The following KDM4C variants were observed in gnomAD, a reference collection of about 807,000 sequenced individuals.
The protein encoded by KDM4C is lysine demethylase 4C, also known as lysine-specific demethylase 4C.
In KDM4C, 81 loss-of-function variants were observed where a neutral mutation model predicts 129.3. The ratio of observed to expected loss-of-function variants is 0.63; its 90% CI spans 0.52 to 0.75. The LOEUF is 0.75. Ranked by LOEUF, KDM4C falls within the 30% of genes least tolerant of loss-of-function variation. The probability of loss-of-function intolerance (pLI) is 0.00; values close to 1 mark genes in which losing one functional copy is unlikely to be tolerated. For synonymous variants in KDM4C, 573 were observed against 456.1 expected (o/e 1.26, Z -3.26); for missense variants, 1,457 against 1,304.0 (o/e 1.12, Z -1.81).
chr9:6,961,546 T>C (rs527779089), intron 8 of KDM4C, among the ~76,000 whole-genome samples: 1 of 152,366 alleles, frequency 6.6e-6, no homozygotes, highest in East Asian at 1.9e-4. Context: ...CAGAATATAG[T>C]ATTTATACAT....
At chr9:6,816,546 C>T (rs770759208) in intron 4 of KDM4C, among the ~76,000 whole-genome samples, 1 of 152,154 alleles carries the variant, frequency 6.6e-6, no homozygotes, top group African/African-American at 2.4e-5. Context: ...TTATGTCTGG[C>T]TTCTTATACT....
chr9:6,777,267 C>T (rs907007568), intron 1 of KDM4C, among the ~76,000 whole-genome samples: 1 of 152,204 alleles, frequency 6.6e-6, no homozygotes, highest in African/African-American at 2.4e-5. Context: ...CCAAAGCTCT[C>T]TACTCCTTTC....
At chr9:7,153,690 AG>A (rs1200578319) in intron 19 of KDM4C, among the ~76,000 whole-genome samples, 7 of 152,236 alleles carry the variant, frequency 4.6e-5, no homozygotes, top group Non-Finnish European at 5.9e-5. Context: ...GTTACTTATC[AG>A]GGTTGTTAAT....
At chr9:6,840,878 TC>T (rs1836797054) in intron 4 of KDM4C, among the ~76,000 whole-genome samples, 1 of 152,216 alleles carries the variant, frequency 6.6e-6, no homozygotes, top group African/African-American at 2.4e-5. Flanking sequence ...AGAAGACATG[TC>T]CCCAGCTCTA....
chr9:7,088,995 T>G (rs1468946535), intron 17 of KDM4C, among the ~76,000 whole-genome samples: 2 of 152,178 alleles, frequency 1.3e-5, no homozygotes, highest in Non-Finnish European at 2.9e-5. Flanking sequence ...AATCATTACT[T>G]TTTAAAAATT....
chr9:6,779,089 C>T (rs571348643), intron 1 of KDM4C, among the ~76,000 whole-genome samples: 408 of 135,630 alleles, frequency 3.0e-3, no homozygotes, highest in Middle Eastern at 0.012. Flanking sequence ...AGTGCAGTGG[C>T]GTGATCTTGG....
chr9:6,850,739 T>C (rs888031933), intron 5 of KDM4C, among the ~76,000 whole-genome samples: 10 of 148,924 alleles, frequency 6.7e-5, no homozygotes, highest in African/African-American at 2.5e-4. Flanking sequence ...GCCAATGTAT[T>C]TTTTATTTTT....
upstream of KDM4C, among the ~76,000 whole-genome samples, chr9:6,754,604 G>C (rs1321587294): frequency 6.6e-6 from 1 of 152,164 alleles, no homozygotes; most frequent in East Asian, 1.9e-4. Flanking sequence ...AGCCAGGGCA[G>C]TGGCTCACTC....
chr9:7,085,879 G>C (rs1835056247), intron 17 of KDM4C, among the ~76,000 whole-genome samples: 1 of 151,986 alleles, frequency 6.6e-6, no homozygotes, highest in African/African-American at 2.4e-5. Context: ...TATTGGGCCA[G>C]GTGCGGTGGC....
intron 17 of KDM4C, among the ~76,000 whole-genome samples, chr9:7,051,286 A>G (rs1315491254): frequency 6.6e-6 from 1 of 152,166 alleles, no homozygotes; most frequent in Non-Finnish European, 1.5e-5. Context: ...GCAATGACTG[A>G]AAGTCTGGAT....
At chr9:7,046,966 T>A (rs368147402) in intron 16 of KDM4C, 49 bp downstream of exon 16, 79 of 1,313,652 alleles carry the variant, frequency 6.0e-5, no homozygotes, top group Non-Finnish European at 7.9e-5. Flanking sequence ...TCTTTCTCCA[T>A]TCTAGAACCT....
chr9:7,056,802 C>G (rs988902812), intron 17 of KDM4C, among the ~76,000 whole-genome samples: 8 of 152,086 alleles, frequency 5.3e-5, no homozygotes, highest in East Asian at 1.9e-4. Flanking sequence ...CCATTTTTTT[C>G]TGATCTTGTC....
intron 15 of KDM4C, among the ~76,000 whole-genome samples, chr9:7,019,781 T>A (rs1286609685): frequency 7.2e-6 from 1 of 138,546 alleles, no homozygotes; most frequent in Non-Finnish European, 1.5e-5. Context: ...TTTTTATATA[T>A]AAAAATATTT....
intron 5 of KDM4C, among the ~76,000 whole-genome samples, chr9:6,877,437 T>C (rs1191929562): frequency 1.3e-5 from 2 of 151,892 alleles, no homozygotes; most frequent in African/African-American, 2.4e-5. Context: ...CCTGACCTCA[T>C]GATCTGCCCG....
chr9:7,174,386 G>T (rs1267805002), intron 21 of KDM4C, among the ~76,000 whole-genome samples, 167 bp from the exon 22 acceptor site: 1 of 152,208 alleles, frequency 6.6e-6, no homozygotes, highest in African/African-American at 2.4e-5. Context: ...CCCACTTTGG[G>T]TGGGAGAGGC....
rs202238786 is a variant in KDM4C at position 6,981,064 on chromosome 9, C to T, written c.1061C>T (p.Pro354Leu). The change falls in exon 9 of 22, where the codon CCT (proline) becomes CTT (leucine). Residue 354 changes from proline to leucine, a missense_variant. Pro to Leu is a moderately conservative substitution (Grantham distance 98). Coordinates refer to ENST00000381309, the MANE Select transcript of KDM4C (RefSeq NM_015061.6). Reference sequence around the variant, plus strand: ...ACGAAGCCTACTCCAGCATCCACCCCTGAAGTAAAAGCATGGCTGCAGAGG... The same window carrying T: ...ACGAAGCCTACTCCAGCATCCACCCTTGAAGTAAAAGCATGGCTGCAGAGG... ...DHTKPTPAST[P>L]EVKAWLQRRR... The T allele has an allele frequency of 8.7e-6, 14 of 1,613,390 alleles. No homozygotes were observed. The highest frequency in any genetic ancestry group is 3.4e-6 in the Non-Finnish European group (4 of 1,179,712).
intron 1 of KDM4C, among the ~76,000 whole-genome samples, chr9:6,791,517 G>A (rs1588289057): frequency 6.6e-6 from 1 of 152,120 alleles, no homozygotes; most frequent in Non-Finnish European, 1.5e-5. Flanking sequence ...GTTTTGCCTG[G>A]TGCTTGGCGA....
At chr9:6,912,500 C>A (rs1373199453) in intron 8 of KDM4C, among the ~76,000 whole-genome samples, 2 of 152,154 alleles carry the variant, frequency 1.3e-5, no homozygotes, top group Non-Finnish European at 2.9e-5. Context: ...ACAAATGCCT[C>A]TGCCAAACAC....
intron 8 of KDM4C, among the ~76,000 whole-genome samples, chr9:6,908,336 T>G (rs918410577): frequency 1.1e-4 from 16 of 152,210 alleles, no homozygotes; most frequent in African/African-American, 3.9e-4. Context: ...CTCTACATGT[T>G]ACTTAGTGTA....
Sources: allele counts gnomAD v4.1 joint callset (sites outside exome capture counted in the v4.1 genomes callset), GRCh38; gene constraint gnomAD v4.1.1; transcripts MANE v1.5; gene names NCBI Gene and HGNC (gene_info 2026-07-23, HGNC 2026-07-21).